PEBP4: variants seen among roughly 807,000 people sequenced by gnomAD.
PEBP4 encodes the protein phosphatidylethanolamine-binding protein 4.
A neutral mutation model predicts 23.9 loss-of-function variants in PEBP4; 22 were observed. The observed-to-expected ratio is 0.92, with a 90% CI of 0.66 to 1.31. The LOEUF is 1.31. Among genes scored for constraint, PEBP4 ranks in the 40% most tolerant of loss-of-function variants. The pLI, the probability that PEBP4 is intolerant of heterozygous loss-of-function variation, is 0.00. For missense variants in PEBP4, 324 were observed against 281.7 expected, an observed-to-expected ratio of 1.15 and a Z score of -1.07; for synonymous variants, 112 against 99.3, an observed-to-expected ratio of 1.13 and a Z score of -0.76.
intron 4 of PEBP4, among the ~76,000 whole-genome samples, chr8:22,794,244 T>C (rs1806196635): frequency 6.6e-6 from 1 of 152,240 alleles, no homozygotes; most frequent in East Asian, 1.9e-4. Context: ...ATGCACTTTA[T>C]AGACTGCCTT....
Position 22,775,402 on chromosome 8 carries a change from G to T in PEBP4, c.357+42235C>A, listed in dbSNP as rs540088713. ...GCTGTCGAGGCCCAGGCAAGGAGCGGCCTTGCCAACCAATCCCTCCTTTAC... is the reference window on the plus strand; with the variant it reads ...GCTGTCGAGGCCCAGGCAAGGAGCGTCCTTGCCAACCAATCCCTCCTTTAC... On this transcript the variant is annotated intron_variant, in intron 4 of 6. Coordinates refer to ENST00000256404, the MANE Select transcript of PEBP4 (RefSeq NM_144962.3). The surrounding 1 kb of genome is among the most constrained non-coding windows in gnomAD (Gnocchi z 4.8). Among the ~76,000 whole-genome samples the T allele has an allele frequency of 1.3e-5, 2 of 152,300 alleles. No individual in the cohort carries two copies. The highest frequency in any genetic ancestry group is 4.1e-4 in the South Asian group (2 of 4,828).
chr8:22,919,353 T>C (rs953314878), intron 3 of PEBP4, among the ~76,000 whole-genome samples: 1 of 152,154 alleles, frequency 6.6e-6, no homozygotes, highest in East Asian at 1.9e-4. Flanking sequence ...CCTGCCTAGA[T>C]TGACAGCAGC....
At chr8:22,777,400 C>T (rs1366634578) in intron 4 of PEBP4, among the ~76,000 whole-genome samples, 5 of 152,142 alleles carry the variant, frequency 3.3e-5, no homozygotes, top group African/African-American at 1.2e-4. Flanking sequence ...TGAGAGTGAC[C>T]TGGGCTGGAG....
chr8:22,877,570 AACACACGGGCGGGCTC>A (rs1287153491), intron 3 of PEBP4, among the ~76,000 whole-genome samples: 3 of 152,120 alleles, frequency 2.0e-5, no homozygotes, highest in Non-Finnish European at 4.4e-5. Context: ...GCAGCTTGTG[AACACACGGGCGGGCTC>A]ACTGTTGGCA....
At chr8:22,898,388 CCCCAAAAAA>C (rs1563253455) in intron 3 of PEBP4, among the ~76,000 whole-genome samples, 1 of 4,640 alleles carries the variant, frequency 2.2e-4, no homozygotes, top group Admixed American at 1.9e-3. Context: ...GAAGACTCCA[CCCCAAAAAA>C]AAAAAAAAAA....
At chr8:22,810,464 C>T (rs1423438488) in intron 4 of PEBP4, among the ~76,000 whole-genome samples, 1 of 152,106 alleles carries the variant, frequency 6.6e-6, no homozygotes, top group African/African-American at 2.4e-5. Flanking sequence ...AGCATCTGCT[C>T]AGGGGTGGGT....
chr8:22,763,254 C>A (rs1402601383), intron 4 of PEBP4, among the ~76,000 whole-genome samples: 1 of 152,200 alleles, frequency 6.6e-6, no homozygotes, highest in Non-Finnish European at 1.5e-5. Flanking sequence ...ATCTGCCCAC[C>A]TCTGCCTCCC....
chr8:22,725,296 C>G (rs545961710), intron 5 of PEBP4, among the ~76,000 whole-genome samples: 1 of 152,316 alleles, frequency 6.6e-6, no homozygotes, highest in South Asian at 2.1e-4. Context: ...GATGGATTTC[C>G]TGCCTCAAGA....
upstream of PEBP4, among the ~76,000 whole-genome samples, chr8:22,931,144 C>T (rs993491382): frequency 6.6e-6 from 1 of 152,170 alleles, no homozygotes; most frequent in Non-Finnish European, 1.5e-5. Flanking sequence ...TCTCTCCCTC[C>T]TAAACCTTTC....
intron 5 of PEBP4, among the ~76,000 whole-genome samples, chr8:22,726,594 A>G (rs1397810366): frequency 6.6e-6 from 1 of 152,254 alleles, no homozygotes; most frequent in Non-Finnish European, 1.5e-5. Context: ...TCTCCGGGCC[A>G]GGCCCTGGGC....
chr8:22,907,819 G>A (rs759924113), intron 3 of PEBP4, among the ~76,000 whole-genome samples: 5 of 152,162 alleles, frequency 3.3e-5, no homozygotes, highest in Non-Finnish European at 5.9e-5. Flanking sequence ...AGATGGGTTA[G>A]GAGGCTGTTG....
At chr8:22,839,481 C>T (rs1252399872) in intron 3 of PEBP4, among the ~76,000 whole-genome samples, 3 of 152,080 alleles carry the variant, frequency 2.0e-5, no homozygotes, top group Non-Finnish European at 4.4e-5. Flanking sequence ...TCTCCACATG[C>T]AAAATGGGAG....
At chr8:22,858,502 T>C (rs1003388411) in intron 3 of PEBP4, among the ~76,000 whole-genome samples, 1 of 152,242 alleles carries the variant, frequency 6.6e-6, no homozygotes, top group African/African-American at 2.4e-5. Flanking sequence ...TATCTCATCC[T>C]GTTACTCAGA....
intron 3 of PEBP4, among the ~76,000 whole-genome samples, chr8:22,861,276 T>C (rs1022477175): frequency 1.3e-5 from 2 of 152,242 alleles, no homozygotes; most frequent in African/African-American, 4.8e-5. Flanking sequence ...ATTTGCCCTA[T>C]TACAGCTAAT....
intron 6 of PEBP4, among the ~76,000 whole-genome samples, chr8:22,715,839 G>A (rs998207578): frequency 2.6e-5 from 4 of 152,224 alleles, no homozygotes; most frequent in African/African-American, 9.7e-5. Flanking sequence ...AGAAGGCAGA[G>A]GGGGTGAGTC....
intron 2 of PEBP4, chr8:22,924,627 G>A: frequency 3.1e-6 from 3 of 980,886 alleles, no homozygotes; most frequent in Non-Finnish European, 3.6e-6. Context: ...GAAGAACGGA[G>A]CTTTTCAACA....
chr8:22,845,853 C>T (rs1202093931), intron 3 of PEBP4, among the ~76,000 whole-genome samples: 5 of 152,268 alleles, frequency 3.3e-5, no homozygotes, highest in Admixed American at 3.3e-4. Context: ...CTCAGCTCCT[C>T]TCTGGACCTG....
At chr8:22,846,392 A>C (rs1456994596) in intron 3 of PEBP4, among the ~76,000 whole-genome samples, 1 of 152,176 alleles carries the variant, frequency 6.6e-6, no homozygotes, top group South Asian at 2.1e-4. Flanking sequence ...AAAGGCACTA[A>C]ACCCTGGATT....
intron 4 of PEBP4, among the ~76,000 whole-genome samples, chr8:22,737,363 C>T (rs372160145): frequency 6.6e-6 from 1 of 151,874 alleles, no homozygotes; most frequent in Non-Finnish European, 1.5e-5. Flanking sequence ...CCCCAGCCTC[C>T]TTAGAGGCCA....
Sources: allele counts gnomAD v4.1 joint callset (sites outside exome capture counted in the v4.1 genomes callset), GRCh38; gene constraint gnomAD v4.1.1; non-coding constraint Gnocchi (gnomAD v3.1); transcripts MANE v1.5; gene names NCBI Gene and HGNC (gene_info 2026-07-23, HGNC 2026-07-21).